Variants in JHY observed in about 807,000 individuals in gnomAD.
The protein encoded by JHY is junctional cadherin complex regulator.
Under a neutral mutation model 78.0 loss-of-function variants are expected in JHY, and 69 were observed. That is an observed-to-expected ratio of 0.88 (90% confidence interval 0.73 to 1.08). The LOEUF is 1.08. Ranked by LOEUF, JHY falls within the 50% of genes least tolerant of loss-of-function variation. The pLI is 0.00. For missense variants in JHY, 944 were observed against 927.8 expected (o/e 1.02, Z -0.23); for synonymous variants, 368 against 342.6 (o/e 1.07, Z -0.82).
intron 6 of JHY, among the ~76,000 whole-genome samples, chr11:122,949,658 C>G (rs1222821406): frequency 2.0e-5 from 3 of 152,100 alleles, no homozygotes; most frequent in African/African-American, 7.2e-5. Flanking sequence ...CACATACCCC[C>G]ACCTGGGGAT....
rs1200638265 is a variant in JHY at position 122,883,365 on chromosome 11, C to T, written c.-90+393C>T. Reference sequence around the variant, plus strand: ...TTCCGGCCTGTTTCAAACCAGGGTTCGTTCCTTTTTCTTTACGATTCATCT... The same window carrying T: ...TTCCGGCCTGTTTCAAACCAGGGTTTGTTCCTTTTTCTTTACGATTCATCT... On this transcript the variant is annotated intron_variant, in intron 1 of 8. Coordinates refer to ENST00000227349, the MANE Select transcript of JHY (RefSeq NM_024806.4). The surrounding 1 kb of genome is among the most constrained non-coding windows in gnomAD (Gnocchi z 4.4). Among the ~76,000 whole-genome samples, 1 of 152,158 alleles carries T rather than the reference C, an allele frequency of 6.6e-6. No homozygotes were observed. Among genetic ancestry groups the T allele is most frequent in the African/African-American group, 2.4e-5 (1 of 41,450 alleles).
intron 6 of JHY, among the ~76,000 whole-genome samples, chr11:122,954,496 A>G (rs1864151912): frequency 6.6e-6 from 1 of 152,206 alleles, no homozygotes; most frequent in South Asian, 2.1e-4. Flanking sequence ...CATTTTTAAG[A>G]TTGGAGAGTT....
chr11:122,959,261 C>T lies in JHY; in HGVS notation c.2153C>T (p.Ala718Val). ...TTATGCGTTTAGGCTTTGGAATACGCTAAGACCATCCCCAAACCCAAACCA... is the reference window on the plus strand; with the variant it reads ...TTATGCGTTTAGGCTTTGGAATACGTTAAGACCATCCCCAAACCCAAACCA... ...AIPRQKALEY[A>V]KTIPKPKPSN... The change falls in exon 9 of 9, where the codon GCT becomes GTT. Residue 718 changes from alanine (A) to valine (V), a missense_variant. By Grantham distance (64) the Ala-to-Val change is moderately conservative. Coordinates refer to ENST00000227349, the MANE Select transcript of JHY (RefSeq NM_024806.4). The T allele has an allele frequency of 6.2e-7, 1 of 1,614,088 alleles. No homozygotes were observed. The highest frequency in any genetic ancestry group is 8.5e-7 in the Non-Finnish European group (1 of 1,179,998).
intron 5 of JHY, among the ~76,000 whole-genome samples, chr11:122,943,613 T>G (rs943604470): frequency 4.6e-5 from 7 of 152,204 alleles, no homozygotes; most frequent in Non-Finnish European, 7.3e-5. Context: ...GCTTTATGTA[T>G]TTTGAACTTA....
At chr11:122,887,777 G>A (rs776434421) in intron 2 of JHY, among the ~76,000 whole-genome samples, 2 of 152,148 alleles carry the variant, frequency 1.3e-5, no homozygotes, top group Non-Finnish European at 2.9e-5. Context: ...CAGCTGGATT[G>A]CAGAGGATTT....
At position 122,898,339 on chromosome 11, in the gene JHY, A is replaced by G. The variant is rs186967061; in HGVS notation, c.345-5586A>G. On this transcript the variant is annotated intron_variant, in intron 2 of 8. Coordinates refer to ENST00000227349, the MANE Select transcript of JHY (RefSeq NM_024806.4). This position sits in a 1 kb window ranked among gnomAD's most constrained non-coding sequence, Gnocchi z 4.4. ...TCACCTATGGGAATAGCTGCAGGGT[A>G]CAATGCAACATGATGTGCAGGAGCC... Among the ~76,000 whole-genome samples the G allele has an allele frequency of 4.6e-5, 7 of 152,304 alleles. No individual in the cohort carries two copies. The East Asian group carries it at 1.3e-3, about 29-fold the overall frequency.
At chr11:122,943,166 C>T (rs542332090) in intron 5 of JHY, among the ~76,000 whole-genome samples, 4 of 152,358 alleles carry the variant, frequency 2.6e-5, no homozygotes, top group East Asian at 1.9e-4. Context: ...CAAGCCACCT[C>T]GCTCAGCTAG....
chr11:122,941,454 A>G (rs1057216796), intron 5 of JHY, among the ~76,000 whole-genome samples: 9 of 152,188 alleles, frequency 5.9e-5, no homozygotes, highest in Non-Finnish European at 1.0e-4. Flanking sequence ...ACCCTTCCCT[A>G]CAGTATATGT....
intron 5 of JHY, among the ~76,000 whole-genome samples, chr11:122,944,488 T>C (rs1450493610): frequency 6.6e-6 from 1 of 152,200 alleles, no homozygotes; most frequent in African/African-American, 2.4e-5. Flanking sequence ...ATTAGATTGT[T>C]TTAATCCAAT....
intron 3 of JHY, chr11:122,905,228 G>C (rs759765203): frequency 6.2e-7 from 1 of 1,614,074 alleles, no homozygotes; most frequent in Non-Finnish European, 8.5e-7. Flanking sequence ...TTTGGAGCCA[G>C]TAAACTTAGT....
rs1371201433 is a variant in JHY at position 122,883,193 on chromosome 11, G to A, written c.-90+221G>A. On this transcript the variant is annotated intron_variant, in intron 1 of 8. Coordinates refer to ENST00000227349, the MANE Select transcript of JHY (RefSeq NM_024806.4). This position sits in a 1 kb window ranked among gnomAD's most constrained non-coding sequence, Gnocchi z 4.4. ...AGGCTTCGGCGCCCGGGCACCCAGA[G>A]CAGCCCTGTTCCCGGTCAATTAGGA... is the stretch of plus-strand genomic sequence containing the variant. Among the ~76,000 whole-genome samples, 4 of 152,168 alleles carry A rather than the reference G, an allele frequency of 2.6e-5. No homozygotes were observed. In the East Asian group the frequency reaches 5.8e-4, roughly 22 times the overall value.
intron 4 of JHY, among the ~76,000 whole-genome samples, chr11:122,928,283 G>C (rs533818748): frequency 1.6e-4 from 24 of 152,158 alleles, no homozygotes; most frequent in African/African-American, 5.3e-4. Context: ...ACTCCAGCCT[G>C]GGCAATAGAG....
rs565900691 is a variant in JHY, at chr11:122,917,647, G to C, written c.865-7250G>C. On this transcript the variant is annotated intron_variant, in intron 3 of 8. Transcript: ENST00000227349. This position sits in a 1 kb window ranked among gnomAD's most constrained non-coding sequence, Gnocchi z 4.1. ...TTAAAATGTTAGGCCTTTCCTCTAA[G>C]TCATCTGAATTCATTGAAGAATTTT... Among the ~76,000 whole-genome samples, 168 of 152,292 alleles carry C rather than the reference G, an allele frequency of 1.1e-3. 1 individual carries two copies. Among genetic ancestry groups the C allele is most frequent in the Non-Finnish European group, 1.7e-3 (119 of 68,022 alleles).
chr11:122,931,344 A>G (rs755980197), intron 4 of JHY, among the ~76,000 whole-genome samples: 12 of 152,242 alleles, frequency 7.9e-5, no homozygotes, highest in Non-Finnish European at 1.2e-4. Context: ...TTAAAGATAT[A>G]TAGGACCTTT....
chr11:122,922,577 G>A (rs1376169038), intron 3 of JHY, among the ~76,000 whole-genome samples: 15 of 151,630 alleles, frequency 9.9e-5, no homozygotes, highest in African/African-American at 3.2e-4. Flanking sequence ...TTTGGAGGCC[G>A]AGGTGGGCGG....
chr11:122,959,001 T>C, intron 8 of JHY: 2 of 985,170 alleles, frequency 2.0e-6, no homozygotes, highest in Non-Finnish European at 2.4e-6. Context: ...GACAAAAGCA[T>C]CCAAAGGACA....
In JHY at chr11:122,944,891, T is replaced by C. The variant is rs1471333917; in HGVS notation, c.1635-1607T>C. ...AACATTTATTTTGTTTTGTTTTTAT[T>C]TTCTCTTATTGGTTTGTAAGTGTTT... is the stretch of plus-strand genomic sequence containing the variant. On this transcript the variant is annotated intron_variant, in intron 5 of 8. Coordinates refer to ENST00000227349, the MANE Select transcript of JHY (RefSeq NM_024806.4). 2.0e-5 allele frequency among the ~76,000 whole-genome samples: 3 copies of C among 152,162 alleles called. No homozygotes were observed. The East Asian group carries it at 5.8e-4, about 29-fold the overall frequency.
rs557688572 is a variant in JHY, at chr11:122,962,562, A to G, written c.*3117A>G. Among the ~76,000 whole-genome samples the G allele has an allele frequency of 3.3e-4, 51 of 152,342 alleles. No homozygotes were observed. Among genetic ancestry groups the G allele is most frequent in the African/African-American group, 1.2e-3 (50 of 41,580 alleles). On this transcript the variant is annotated 3_prime_UTR_variant, in exon 9 of 9. Transcript: ENST00000227349. ...TATTTATAAGAGAAGAGGCCCTTCTAGGTGCATGAAGACATTTCTAGAAAT... is the reference window on the plus strand; with the variant it reads ...TATTTATAAGAGAAGAGGCCCTTCTGGGTGCATGAAGACATTTCTAGAAAT...
In JHY at chr11:122,933,419, T is replaced by C. The variant is rs73013695; in HGVS notation, c.979-1001T>C. Reference sequence around the variant, plus strand: ...CAAAGGCCTCTTAACTCAGCTAGTTTTCCACGAAGTAATGAGTGCTTTATT... The same window carrying C: ...CAAAGGCCTCTTAACTCAGCTAGTTCTCCACGAAGTAATGAGTGCTTTATT... On this transcript the variant is annotated intron_variant, in intron 4 of 8. Transcript: ENST00000227349. Among the ~76,000 whole-genome samples, 1,133 of 152,370 alleles carry C rather than the reference T, an allele frequency of 7.4e-3. 14 individuals are homozygous for C. The highest frequency in any genetic ancestry group is 0.027 in the South Asian group (130 of 4,822).
Sources: gnomAD v4.1 joint callset for allele counts (sites outside exome capture counted in the v4.1 genomes callset) on GRCh38, gnomAD v4.1.1 for gene constraint, Gnocchi (gnomAD v3.1) non-coding constraint, MANE v1.5 for transcripts, NCBI Gene and HGNC (gene_info 2026-07-23, HGNC 2026-07-21) for gene names.